GABRG1: variants seen among roughly 807,000 people sequenced by gnomAD.
The protein encoded by GABRG1 is gamma-aminobutyric acid type A receptor subunit gamma1, also known as gamma-aminobutyric acid receptor subunit gamma-1.
GABRG1 carries 49 observed loss-of-function variants against 49.8 expected under a neutral mutation model. The ratio of observed to expected loss-of-function variants is 0.98; its 90% CI spans 0.78 to 1.25. GABRG1 has a LOEUF of 1.25. Among genes scored for constraint, GABRG1 ranks in the 50% most tolerant of loss-of-function variants. The pLI is 0.00. For missense variants in GABRG1, 552 were observed against 552.3 expected (o/e 1.00, Z 0.01); for synonymous variants, 232 against 185.1 (o/e 1.25, Z -2.06).
chr4:46,118,646 C>T (rs76082026), intron 1 of GABRG1, among the ~76,000 whole-genome samples: 4,175 of 151,016 alleles, frequency 0.028, 202 homozygotes, highest in African/African-American at 0.095. Flanking sequence ...CAGAACCCTG[C>T]TTAACACACA....
rs369850779 is a variant in GABRG1, at chr4:46,123,949, A to G, written c.-36T>C. On this transcript the variant is annotated 5_prime_UTR_variant, in exon 1 of 9. Coordinates refer to ENST00000295452, the MANE Select transcript of GABRG1 (RefSeq NM_173536.4). ...TTTTTACGTGTGCTGCACTAGCTCA[A>G]TTCTCCCAGCCAGGACTTTTCCTCC... 12 of 1,509,956 alleles carry G rather than the reference A, an allele frequency of 7.9e-6. No homozygotes were observed. In the African/African-American group the frequency reaches 1.2e-4, roughly 16 times the overall value. 93.5% of individuals were successfully genotyped at this position (1,509,956 alleles called of 1,614,324 possible). A position where few individuals can be genotyped will look rare whatever the true frequency, so the allele number is the denominator to read the frequency against.
chr4:46,122,714 A>T (rs1721125125), intron 1 of GABRG1, among the ~76,000 whole-genome samples: 1 of 152,128 alleles, frequency 6.6e-6, no homozygotes, highest in South Asian at 2.1e-4. Context: ...CGTTTATAAT[A>T]ATAATTCATT....
rs753588218 is a variant in GABRG1 at position 46,065,372 on chromosome 4, A to G, written c.534T>C (p.Tyr178=). ...TTTTAAACCAATATTACCTTAGAGT[A>G]TACAGAACTCGTCCATCATTCCAAA... is the stretch of plus-strand genomic sequence containing the variant. ...LRIWNDGRVL[Y]TLRLTINAEC... Residue 178 remains tyrosine (Y), a synonymous_variant, in exon 4 of 9, where the codon TAT becomes TAC. Transcript: ENST00000295452. 3.2e-6 allele frequency: 5 copies of G among 1,583,994 alleles called. No homozygotes were observed. In the Admixed American group the frequency reaches 8.3e-5, roughly 26 times the overall value.
At position 46,123,101 on chromosome 4, in the gene GABRG1, A is replaced by AACACAC. The variant is rs34086673; in HGVS notation, c.104+703_104+708dup. Among the ~76,000 whole-genome samples the AACACAC allele has an allele frequency of 9.6e-3, 1,250 of 129,560 alleles. 13 individuals are homozygous for AACACAC. The highest frequency in any genetic ancestry group is 0.02 in the African/African-American group (700 of 35,766). The allele number at this position is 129,560 out of a possible 152,430, so 85.0% of individuals were successfully genotyped here. On this transcript the variant is annotated intron_variant, in intron 1 of 8. Coordinates refer to ENST00000295452, the MANE Select transcript of GABRG1 (RefSeq NM_173536.4). ...TCTCTCTCTCTGTCCCATACACACA[A>AACACAC]ACACACACACACACACACACACACA...
At chr4:46,073,614 G>A (rs887701026) in intron 3 of GABRG1, among the ~76,000 whole-genome samples, 1 of 151,950 alleles carries the variant, frequency 6.6e-6, no homozygotes, top group Non-Finnish European at 1.5e-5. Context: ...ATGAAACATA[G>A]TATGGTAACA....
intron 7 of GABRG1, among the ~76,000 whole-genome samples, chr4:46,054,892 A>G (rs1269951187): frequency 1.7e-5 from 1 of 58,112 alleles, no homozygotes; most frequent in East Asian, 4.2e-4. Context: ...TATGTTGAAT[A>G]GGAGCGGTGA....
chr4:46,091,921 T>A lies in GABRG1; in HGVS notation c.253+5280A>T, dbSNP rs145467481. Among the ~76,000 whole-genome samples, 645 of 152,114 alleles carry A rather than the reference T, an allele frequency of 4.2e-3. 1 individual carries two copies. Among genetic ancestry groups the A allele is most frequent in the African/African-American group, 0.015 (623 of 41,532 alleles). ...TCAAAGACTAAGAAAATGTTAAAAT[T>A]GTCCAGAGATAAAATACATTTTATC... On this transcript the variant is annotated intron_variant, in intron 2 of 8. Coordinates refer to ENST00000295452, the MANE Select transcript of GABRG1 (RefSeq NM_173536.4).
At chr4:46,072,505 G>A (rs1389117256) in intron 3 of GABRG1, among the ~76,000 whole-genome samples, 2 of 152,138 alleles carry the variant, frequency 1.3e-5, no homozygotes, top group East Asian at 3.9e-4. Context: ...TGGCAAGAAG[G>A]AACATATTCC....
chr4:46,122,172 T>C (rs1721105676), intron 1 of GABRG1, among the ~76,000 whole-genome samples: 1 of 152,042 alleles, frequency 6.6e-6, no homozygotes, highest in African/African-American at 2.4e-5. Context: ...TTCTGGGAGC[T>C]TGATGTAATT....
chr4:46,098,328 CA>C (rs2109432103), intron 1 of GABRG1, among the ~76,000 whole-genome samples: 1 of 151,808 alleles, frequency 6.6e-6, no homozygotes, highest in African/African-American at 2.4e-5. Flanking sequence ...CTAGACTTAA[CA>C]ACACACCCAT....
At chr4:46,060,641 T>A (rs1718636966) in intron 5 of GABRG1, among the ~76,000 whole-genome samples, 1 of 152,200 alleles carries the variant, frequency 6.6e-6, no homozygotes, top group Non-Finnish European at 1.5e-5. Flanking sequence ...TCCATGTATT[T>A]TGCACTAGGA....
chr4:46,087,504 C>T (rs1341422156), intron 2 of GABRG1, among the ~76,000 whole-genome samples: 1 of 151,186 alleles, frequency 6.6e-6, no homozygotes, highest in Non-Finnish European at 1.5e-5. Context: ...AAAAAATAAT[C>T]CATGAATCAG....
chr4:46,062,797 G>A (rs1198157791), intron 5 of GABRG1, among the ~76,000 whole-genome samples: 3 of 152,134 alleles, frequency 2.0e-5, no homozygotes, highest in African/African-American at 7.2e-5. Flanking sequence ...ATCTCCTTAA[G>A]CTGATAAGCA....
In GABRG1 at chr4:46,097,187, T is replaced by C. The variant is rs773806041; in HGVS notation, c.253+14A>G. On this transcript the variant is annotated intron_variant, in intron 2 of 8. Transcript: ENST00000295452. ...AATGGTCATCAAAATCCCAGAATGG[T>C]AACTCAAGCTTACCTCCTATATCTG... The C allele has an allele frequency of 1.9e-6, 3 of 1,590,934 alleles. No homozygotes were observed. The highest frequency in any genetic ancestry group is 3.6e-5 in the Admixed American group (2 of 55,828).
intron 5 of GABRG1, among the ~76,000 whole-genome samples, 178 bp from the exon 6 acceptor site, chr4:46,058,800 A>G (rs1270098985): frequency 1.3e-5 from 2 of 152,140 alleles, no homozygotes; most frequent in Admixed American, 1.3e-4. Context: ...CTAATCATAC[A>G]TGGATCAAAT....
chr4:46,119,128 A>G (rs1394496739), intron 1 of GABRG1, among the ~76,000 whole-genome samples: 1 of 151,090 alleles, frequency 6.6e-6, no homozygotes, highest in Non-Finnish European at 1.5e-5. Flanking sequence ...TGTCTGCGTC[A>G]AGTACTTCAG....
intron 1 of GABRG1, among the ~76,000 whole-genome samples, chr4:46,105,830 T>TAGAC (rs1553883542): frequency 6.6e-6 from 1 of 151,190 alleles, no homozygotes; most frequent in Non-Finnish European, 1.5e-5. Flanking sequence ...GATAGATAGA[T>TAGAC]AGATGATAGA....
chr4:46,053,216 T>A (rs1471399083), intron 7 of GABRG1, among the ~76,000 whole-genome samples: 1 of 151,902 alleles, frequency 6.6e-6, no homozygotes, highest in Admixed American at 6.6e-5. Flanking sequence ...ACTTCCTTTT[T>A]TGTTAGAAAA....
intron 5 of GABRG1, among the ~76,000 whole-genome samples, chr4:46,063,521 T>G (rs1264247319): frequency 1.3e-5 from 2 of 152,088 alleles, no homozygotes; most frequent in African/African-American, 4.8e-5. Context: ...CCTTATACCT[T>G]ATACAAAAAT....
Sources: gnomAD v4.1 joint callset for allele counts (sites outside exome capture counted in the v4.1 genomes callset) on GRCh38, gnomAD v4.1.1 for gene constraint, MANE v1.5 for transcripts, NCBI Gene and HGNC (gene_info 2026-07-23, HGNC 2026-07-21) for gene names.